Variants in KAZN observed in about 807,000 individuals in gnomAD.
The protein encoded by KAZN is kazrin, periplakin interacting protein.
Under a neutral mutation model 87.4 loss-of-function variants are expected in KAZN, and 40 were observed. That is an observed-to-expected ratio of 0.46 (90% CI 0.36 to 0.60). The LOEUF is 0.60. KAZN is among the 20% of genes least tolerant of loss of function. KAZN has a pLI of 0.00. For synonymous variants in KAZN, 466 were observed against 458.3 expected (o/e 1.02, Z -0.22); for missense variants, 898 against 1,073.9 (o/e 0.84, Z 2.29).
chr1:15,003,005 T>TACAC (rs113317563), intron 2 of KAZN, among the ~76,000 whole-genome samples: 6,827 of 131,436 alleles, frequency 0.052, 185 homozygotes, highest in Middle Eastern at 0.056. Context: ...AAAATAAACG[T>TACAC]ACACACACAC....
chr1:14,744,224 TGTG>T (rs1644198325), intron 1 of KAZN, among the ~76,000 whole-genome samples: 2 of 152,204 alleles, frequency 1.3e-5, no homozygotes, highest in African/African-American at 4.8e-5. Flanking sequence ...AGATGCTTTA[TGTG>T]TTTTCCATGC....
chr1:15,072,063 G>C (rs1639529573), intron 8 of KAZN, among the ~76,000 whole-genome samples: 1 of 152,122 alleles, frequency 6.6e-6, no homozygotes, highest in Admixed American at 6.6e-5. Flanking sequence ...GTCATACCTG[G>C]ATAATCGCTC....
rs547612626 is a variant in KAZN at position 13,965,742 on chromosome 1, A to C, written c.91+71986A>C. On this transcript the variant is annotated intron_variant, in intron 1 of 16. Transcript: ENST00000636203. The stretch of plus-strand genomic sequence containing the variant: ...TCAAGGAGGGCTGGAGCTGCGTCTT[A>C]ATTATCTCTATTTCCACGGGGCAAA... 3.3e-5 allele frequency among the ~76,000 whole-genome samples: 5 copies of C among 152,264 alleles called. No homozygotes were observed. The South Asian group carries it at 1.0e-3, about 32-fold the overall frequency.
In KAZN at chr1:15,003,010, A is replaced by G. The variant is rs1018850475; in HGVS notation, c.419-31739A>G. On this transcript the variant is annotated intron_variant, in intron 2 of 14. Transcript: ENST00000376030. ...AATAAAAATAAAAATAAACGTACAC[A>G]CACACACACACACACACACACACAA... Among the ~76,000 whole-genome samples the G allele has an allele frequency of 5.5e-5, 8 of 145,846 alleles. No homozygotes were observed. The East Asian group carries it at 5.8e-4, about 11-fold the overall frequency.
At chr1:13,897,178 C>G (rs1570210999) in intron 1 of KAZN, among the ~76,000 whole-genome samples, 1 of 152,208 alleles carries the variant, frequency 6.6e-6, no homozygotes, top group South Asian at 2.1e-4. Flanking sequence ...TTGTCTGCGG[C>G]TGCTTTTGTG....
chr1:14,462,748 C>T (rs192369531), intron 2 of KAZN, among the ~76,000 whole-genome samples: 102 of 152,214 alleles, frequency 6.7e-4, no homozygotes, highest in Non-Finnish European at 1.2e-3. Flanking sequence ...CAGGGGAACT[C>T]CTCTTTATAA....
At chr1:14,933,062 A>T (rs1317804584) in intron 1 of KAZN, among the ~76,000 whole-genome samples, 3 of 152,072 alleles carry the variant, frequency 2.0e-5, no homozygotes, top group African/African-American at 7.2e-5. Flanking sequence ...TCTAAGTAGG[A>T]TCACACCGTA....
rs573076912 is a variant in KAZN, at chr1:14,377,826, C to T, written c.249+197234C>T. Among the ~76,000 whole-genome samples, 22 of 152,310 alleles carry T rather than the reference C, an allele frequency of 1.4e-4. No homozygotes were observed. The East Asian group carries it at 4.2e-3, about 29-fold the overall frequency. ...TCATTCTGCCAGCTCATTCTTTGTG[C>T]TCGGAGGCTGTCTACAGGTTTTAGC... On this transcript the variant is annotated intron_variant, in intron 2 of 16. Coordinates refer to the KAZN transcript ENST00000636203.
intron 2 of KAZN, among the ~76,000 whole-genome samples, chr1:14,265,490 G>A (rs1651403598): frequency 6.6e-6 from 1 of 152,210 alleles, no homozygotes; most frequent in Non-Finnish European, 1.5e-5. Context: ...AATGGGAAAA[G>A]CACTAGCCTT....
intron 1 of KAZN, among the ~76,000 whole-genome samples, chr1:14,801,184 C>CGAGCCAG (rs1443794142): frequency 6.6e-6 from 1 of 152,010 alleles, no homozygotes; most frequent in Non-Finnish European, 1.5e-5. Flanking sequence ...GCTGCCCTCT[C>CGAGCCAG]GAGCCAGTCG....
At chr1:15,063,658 TCCAC>T in intron 7 of KAZN, 36 bp downstream of exon 7, 1 of 1,532,512 alleles carries the variant, frequency 6.5e-7, no homozygotes, top group Non-Finnish European at 9.0e-7. Context: ...GAACCCTCCC[TCCAC>T]CCCACCTTGA....
In KAZN at chr1:15,100,529, G is replaced by A. The variant is rs531994645; in HGVS notation, c.1548-1014G>A. Among the ~76,000 whole-genome samples the A allele has an allele frequency of 9.9e-4, 151 of 152,302 alleles. 1 individual carries two copies. The South Asian group carries it at 0.027, about 27-fold the overall frequency. ...TTGCAGGTGGGATGCGGTGATCCTCGTTCCTTCTGCAAGGCTGCCACTGTG... is the reference window on the plus strand; with the variant it reads ...TTGCAGGTGGGATGCGGTGATCCTCATTCCTTCTGCAAGGCTGCCACTGTG... On this transcript the variant is annotated intron_variant, in intron 10 of 14. Transcript: ENST00000376030.
intron 1 of KAZN, among the ~76,000 whole-genome samples, chr1:14,061,188 C>T (rs1445550889): frequency 6.6e-6 from 1 of 152,124 alleles, no homozygotes; most frequent in Admixed American, 6.5e-5. Context: ...TGCTCACAGC[C>T]TGTGATAACA....
chr1:14,377,844 G>A (rs1030837217), intron 2 of KAZN, among the ~76,000 whole-genome samples: 1 of 152,098 alleles, frequency 6.6e-6, no homozygotes, highest in Non-Finnish European at 1.5e-5. Flanking sequence ...CTGTCTACAG[G>A]TTTTAGCAAC....
At chr1:14,637,789 A>G (rs937186276) in intron 1 of KAZN, among the ~76,000 whole-genome samples, 2 of 152,168 alleles carry the variant, frequency 1.3e-5, no homozygotes, top group Admixed American at 6.5e-5. Context: ...GTGTGTGTGC[A>G]TATTTTATCA....
intron 1 of KAZN, chr1:14,924,123 G>A: frequency 5.1e-6 from 5 of 982,530 alleles, no homozygotes; most frequent in Non-Finnish European, 6.0e-6. Context: ...GGAGCCGCGG[G>A]ACTGAGAGCC....
intron 1 of KAZN, among the ~76,000 whole-genome samples, chr1:14,707,545 C>A (rs774425012): frequency 6.6e-6 from 1 of 152,194 alleles, no homozygotes; most frequent in Non-Finnish European, 1.5e-5. Context: ...CCTTTAAAAT[C>A]TTTATTTCCT....
At chr1:14,160,648 A>G (rs1645689842) in intron 1 of KAZN, among the ~76,000 whole-genome samples, 1 of 152,202 alleles carries the variant, frequency 6.6e-6, no homozygotes, top group Non-Finnish European at 1.5e-5. Flanking sequence ...GTGGGGCAAG[A>G]ATCGGTGGAG....
At chr1:14,561,687 T>C (rs976357845) in intron 2 of KAZN, among the ~76,000 whole-genome samples, 3 of 152,078 alleles carry the variant, frequency 2.0e-5, no homozygotes, top group Non-Finnish European at 2.9e-5. Context: ...GTGGATCACC[T>C]GAGGTCAGGA....
Sources: allele counts gnomAD v4.1 joint callset (sites outside exome capture counted in the v4.1 genomes callset), GRCh38; gene constraint gnomAD v4.1.1; transcripts MANE v1.5; gene names NCBI Gene and HGNC (gene_info 2026-07-23, HGNC 2026-07-21).